The following TRHDE variants were observed in gnomAD, a reference collection of about 807,000 sequenced individuals.
The protein encoded by TRHDE is thyrotropin releasing hormone degrading enzyme.
In TRHDE, 72 loss-of-function variants were observed where a neutral mutation model predicts 125.7. The observed-to-expected ratio is 0.57, with a 90% CI of 0.47 to 0.70. TRHDE has a LOEUF of 0.70. Ranked by LOEUF, TRHDE falls within the 30% of genes least tolerant of loss-of-function variation. The pLI is 0.00. For missense variants in TRHDE, 1,110 were observed against 1,327.1 expected (o/e 0.84, Z 2.54); for synonymous variants, 509 against 509.1 (o/e 1.00, Z 0.00).
chr12:72,214,008 A>G (rs1372196669), intron 2 of TRHDE, among the ~76,000 whole-genome samples: 1 of 152,180 alleles, frequency 6.6e-6, no homozygotes. Flanking sequence ...TCAGTGCTAC[A>G]TAATTAGATA....
intron 2 of TRHDE, among the ~76,000 whole-genome samples, chr12:72,149,203 T>C (rs1014745297): frequency 2.0e-5 from 3 of 152,154 alleles, no homozygotes; most frequent in Non-Finnish European, 2.9e-5. Flanking sequence ...TTCTCCAAAC[T>C]GTAATTTGGA....
intron 2 of TRHDE, among the ~76,000 whole-genome samples, chr12:72,322,403 A>T (rs1385482768): frequency 6.6e-6 from 1 of 152,086 alleles, no homozygotes; most frequent in Admixed American, 6.6e-5. Flanking sequence ...GCTGCCATAT[A>T]CTTTATAAAG....
At chr12:72,522,370 A>G (rs1868265646) in intron 6 of TRHDE, among the ~76,000 whole-genome samples, 2 of 152,220 alleles carry the variant, frequency 1.3e-5, no homozygotes, top group African/African-American at 4.8e-5. Context: ...GAAACATCCT[A>G]GTTATCACCT....
At chr12:72,656,477 C>T (rs372170690) in intron 17 of TRHDE, among the ~76,000 whole-genome samples, 4 of 152,090 alleles carry the variant, frequency 2.6e-5, no homozygotes, top group Admixed American at 2.0e-4. Flanking sequence ...ATGCCAGTGT[C>T]AATTATGACT....
At chr12:72,103,500 A>G (rs1875114587) in intron 1 of TRHDE, among the ~76,000 whole-genome samples, 1 of 152,082 alleles carries the variant, frequency 6.6e-6, no homozygotes. Flanking sequence ...CCCTTGCTGA[A>G]GACCCTGTTA....
intron 2 of TRHDE, among the ~76,000 whole-genome samples, chr12:72,315,107 T>G (rs909110172): frequency 5.3e-5 from 8 of 152,236 alleles, no homozygotes; most frequent in African/African-American, 1.9e-4. Context: ...CTTAGCTTTT[T>G]AAAATAATAT....
chr12:72,599,788 C>T (rs1872133086), intron 12 of TRHDE, among the ~76,000 whole-genome samples: 1 of 151,790 alleles, frequency 6.6e-6, no homozygotes, highest in Non-Finnish European at 1.5e-5. Context: ...AAATTCTTAC[C>T]CAAGGCTGAT....
intron 3 of TRHDE, among the ~76,000 whole-genome samples, chr12:72,468,504 A>G (rs1350350459): frequency 6.6e-6 from 1 of 152,236 alleles, no homozygotes; most frequent in Admixed American, 6.5e-5. Context: ...GGTTATATCA[A>G]GAAGTAGAAC....
At chr12:72,420,617 G>C (rs1565734752) in intron 3 of TRHDE, among the ~76,000 whole-genome samples, 2 of 152,062 alleles carry the variant, frequency 1.3e-5, no homozygotes, top group Non-Finnish European at 2.9e-5. Flanking sequence ...AAAAAGCTAA[G>C]GGGATTAAAT....
chr12:72,098,879 T>C (rs1363933233), intron 1 of TRHDE, among the ~76,000 whole-genome samples: 1 of 152,112 alleles, frequency 6.6e-6, no homozygotes, highest in African/African-American at 2.4e-5. Context: ...AAAGAATAAA[T>C]CACTGTCTGG....
chr12:72,378,773 A>G (rs1337384595), intron 3 of TRHDE, among the ~76,000 whole-genome samples: 1 of 152,180 alleles, frequency 6.6e-6, no homozygotes, highest in Non-Finnish European at 1.5e-5. Flanking sequence ...GAGTGTTCTT[A>G]TATTTCTTCC....
intron 2 of TRHDE, among the ~76,000 whole-genome samples, chr12:72,182,891 A>AC (rs2139342608): frequency 6.6e-6 from 1 of 152,268 alleles, no homozygotes; most frequent in East Asian, 1.9e-4. Flanking sequence ...GGCTGGCGAG[A>AC]GGCTTATTTT....
chr12:72,535,350 C>T (rs975278217), intron 6 of TRHDE, among the ~76,000 whole-genome samples: 4 of 152,064 alleles, frequency 2.6e-5, no homozygotes, highest in African/African-American at 9.6e-5. Flanking sequence ...TGATGTGGCC[C>T]ATAGGATGGA....
At chr12:72,434,307 C>T (rs1874637473) in intron 3 of TRHDE, among the ~76,000 whole-genome samples, 2 of 151,118 alleles carry the variant, frequency 1.3e-5, no homozygotes, top group Non-Finnish European at 2.9e-5. Flanking sequence ...ATCACTTGAC[C>T]CCGGGAGGCA....
chr12:72,529,280 T>C (rs556291840), intron 6 of TRHDE, among the ~76,000 whole-genome samples: 1 of 152,214 alleles, frequency 6.6e-6, no homozygotes, highest in South Asian at 2.1e-4. Context: ...AACCGAGAAA[T>C]TTTTAAACAT....
chr12:72,345,422 A>G (rs1166276748), intron 2 of TRHDE, among the ~76,000 whole-genome samples: 1 of 152,122 alleles, frequency 6.6e-6, no homozygotes, highest in Non-Finnish European at 1.5e-5. Context: ...TAGTATTGCC[A>G]CCATACAGAT....
At chr12:72,176,438 G>A (rs1876989833) in intron 2 of TRHDE, among the ~76,000 whole-genome samples, 2 of 152,144 alleles carry the variant, frequency 1.3e-5, no homozygotes, top group African/African-American at 4.8e-5. Context: ...GGAGGTGACA[G>A]CTAGAGGCTG....
intron 6 of TRHDE, among the ~76,000 whole-genome samples, chr12:72,516,362 C>A (rs1232927808): frequency 6.6e-6 from 1 of 152,152 alleles, no homozygotes; most frequent in Non-Finnish European, 1.5e-5. Flanking sequence ...TCCTTCACAT[C>A]CCTTGTAAGT....
At position 72,204,176 on chromosome 12, in the gene TRHDE, T is replaced by G. The variant is rs1024250839; in HGVS notation, n.279+98424T>G. ...CTCTTGAATTGACTCACTGGTCTTC[T>G]CAGTCTTTCTTTTCTAGCAAAGTAG... On this transcript the variant is annotated intron_variant and non_coding_transcript_variant, in intron 2 of 4. Transcript: ENST00000548156. Among the ~76,000 whole-genome samples the G allele has an allele frequency of 4.6e-5, 7 of 152,198 alleles. 1 individual carries two copies. Among genetic ancestry groups the G allele is most frequent in the African/African-American group, 1.7e-4 (7 of 41,444 alleles).
Sources: gnomAD v4.1 joint callset for allele counts (sites outside exome capture counted in the v4.1 genomes callset) on GRCh38, gnomAD v4.1.1 for gene constraint, MANE v1.5 for transcripts, NCBI Gene and HGNC (gene_info 2026-07-23, HGNC 2026-07-21) for gene names.